POLR3B: variants seen among roughly 807,000 people sequenced by gnomAD.
POLR3B encodes the protein DNA-directed RNA polymerase III subunit RPC2.
Under a neutral mutation model 147.4 loss-of-function variants are expected in POLR3B, and 96 were observed. That is an observed-to-expected ratio of 0.65 (90% confidence interval 0.55 to 0.77). POLR3B has a LOEUF of 0.77. POLR3B is among the 30% of genes least tolerant of loss of function. The pLI, the probability that POLR3B is intolerant of heterozygous loss-of-function variation, is 0.00. For missense variants in POLR3B, 1,036 were observed against 1,413.5 expected (o/e 0.73, Z 4.28); for synonymous variants, 461 against 485.9 (o/e 0.95, Z 0.67).
chr12:106,376,328 G>A, intron 6 of POLR3B, 31 bp from the exon 7 acceptor site: 1 of 1,446,370 alleles, frequency 6.9e-7, no homozygotes, highest in Non-Finnish European at 9.7e-7. Flanking sequence ...CAGCCTACAT[G>A]TGATATTTTC....
At chr12:106,388,600 G>A (rs954044132) in intron 9 of POLR3B, among the ~76,000 whole-genome samples, 3 of 152,204 alleles carry the variant, frequency 2.0e-5, no homozygotes, top group African/African-American at 7.2e-5. Context: ...ACAGGCGTGA[G>A]CCAATGTGCC....
intron 23 of POLR3B, among the ~76,000 whole-genome samples, chr12:106,465,315 A>G (rs1450487368): frequency 1.3e-5 from 2 of 152,194 alleles, no homozygotes; most frequent in Non-Finnish European, 2.9e-5. Context: ...CTTCACAAGA[A>G]TGTACACCAT....
rs190139385 is a variant in POLR3B, at chr12:106,485,639, G to T, written c.2714-10416G>T. On this transcript the variant is annotated intron_variant, in intron 23 of 27. Transcript: ENST00000228347. ...ATGGATGTTGCAAGAGGAAAAGACA[G>T]GAGTTGAGGATGAAGTTTGTGGCCT... Among the ~76,000 whole-genome samples the T allele has an allele frequency of 1.1e-3, 161 of 152,306 alleles. 4 individuals carry two copies. The East Asian group carries it at 0.017, about 16-fold the overall frequency.
At chr12:106,414,055 T>C (rs1359829348) in intron 12 of POLR3B, among the ~76,000 whole-genome samples, 2 of 151,968 alleles carry the variant, frequency 1.3e-5, no homozygotes, top group Middle Eastern at 3.4e-3. Flanking sequence ...ACATAGCTTT[T>C]TTTAATTCCA....
intron 19 of POLR3B, chr12:106,446,415 C>CAAAA: frequency 2.4e-5 from 3 of 127,466 alleles, no homozygotes; most frequent in African/African-American, 6.5e-5. Context: ...CTCCTCTCCC[C>CAAAA]ACAAAAAAAA....
In POLR3B at chr12:106,504,194, C is replaced by A. The variant is rs779482867; in HGVS notation, c.3212C>A (p.Ser1071Ter). The change falls in exon 27 of 28, where the codon TCA becomes TAA. Residue 1071 changes from serine to a stop codon, truncating the protein, a stop_gained. Transcript: ENST00000228347. LOFTEE classifies it high-confidence loss of function. This position sits in a 1 kb window ranked among gnomAD's most constrained non-coding sequence, Gnocchi z 4.6. ...CTTTTGCTAGAGAGACTAATGATTT[C>A]AAGTGATGCCTTTGAGGTTGATGTC... ...SMLLLERLMI[S>*]SDAFEVDVCG... 1 of 1,614,122 alleles carries A rather than the reference C, an allele frequency of 6.2e-7. No homozygotes were observed. The highest frequency in any genetic ancestry group is 1.1e-5 in the South Asian group (1 of 91,076).
chr12:106,494,375 G>A (rs938992547), intron 23 of POLR3B, among the ~76,000 whole-genome samples: 10 of 152,084 alleles, frequency 6.6e-5, no homozygotes, highest in African/African-American at 1.2e-4. Flanking sequence ...CTCCTCCTGC[G>A]AACTGCTGCT....
intron 9 of POLR3B, among the ~76,000 whole-genome samples, chr12:106,382,765 T>G (rs563456957): frequency 6.6e-6 from 1 of 152,306 alleles, no homozygotes; most frequent in East Asian, 1.9e-4. Flanking sequence ...AGAGTAGATA[T>G]AGCATAATTC....
intron 10 of POLR3B, among the ~76,000 whole-genome samples, chr12:106,394,065 G>A (rs1259649541): frequency 6.6e-6 from 1 of 152,026 alleles, no homozygotes; most frequent in African/African-American, 2.4e-5. Flanking sequence ...TCTTCACCCA[G>A]GATGCTTGTA....
chr12:106,373,010 G>A (rs1414027517), intron 6 of POLR3B, among the ~76,000 whole-genome samples: 1 of 152,178 alleles, frequency 6.6e-6, no homozygotes, highest in East Asian at 1.9e-4. Flanking sequence ...GAACTTTGTA[G>A]AGACCTGTTT....
chr12:106,421,236 A>G (rs1172751449), intron 12 of POLR3B, among the ~76,000 whole-genome samples: 2 of 152,068 alleles, frequency 1.3e-5, no homozygotes, highest in Non-Finnish European at 2.9e-5. Flanking sequence ...CATTAAAAAA[A>G]AAAACACAAC....
At chr12:106,403,580 A>G (rs1204815332) in intron 10 of POLR3B, among the ~76,000 whole-genome samples, 1 of 152,106 alleles carries the variant, frequency 6.6e-6, no homozygotes, top group Non-Finnish European at 1.5e-5. Flanking sequence ...ACAACAATAG[A>G]CTGGATTAAG....
At chr12:106,471,435 A>C (rs10778480) in intron 23 of POLR3B, among the ~76,000 whole-genome samples, 59,668 of 151,900 alleles carry the variant, frequency 0.39, 13,895 homozygotes, top group African/African-American at 0.65. Flanking sequence ...TGAGGTGACA[A>C]CCTGCCCTGC....
Position 106,454,708 on chromosome 12 carries a change from A to C in POLR3B, c.2290A>C (p.Arg764=). The part of the protein sequence containing the change: ...ALVLNKASLD[R]GFGRCLVYKN... ...TGTTTTAAACAAGGCCTCTTTAGAC[A>C]GAGGTAAGTGAATTTTCAAAACTAA... is the stretch of plus-strand genomic sequence containing the variant. The change falls in exon 20 of 28, where the codon AGA becomes CGA. Residue 764 remains arginine (R), a synonymous_variant. Transcript: ENST00000228347. The C allele has an allele frequency of 6.3e-7, 1 of 1,581,702 alleles. No individual in the cohort carries two copies. Among genetic ancestry groups the C allele is most frequent in the Non-Finnish European group, 8.7e-7 (1 of 1,150,694 alleles).
chr12:106,469,620 C>G (rs1295438526), intron 23 of POLR3B, among the ~76,000 whole-genome samples: 1 of 152,148 alleles, frequency 6.6e-6, no homozygotes, highest in Non-Finnish European at 1.5e-5. Context: ...GTGCTTCCTT[C>G]AGGAGCTCTT....
At chr12:106,428,083 G>A (rs982652342) in intron 13 of POLR3B, among the ~76,000 whole-genome samples, 10 of 152,318 alleles carry the variant, frequency 6.6e-5, no homozygotes, top group African/African-American at 2.4e-4. Flanking sequence ...TAGTGTGTCT[G>A]TGTGAGTGGC....
intron 23 of POLR3B, among the ~76,000 whole-genome samples, chr12:106,494,955 G>A (rs1034895699): frequency 1.3e-5 from 2 of 152,004 alleles, no homozygotes; most frequent in East Asian, 1.9e-4. Flanking sequence ...ACAACAAATC[G>A]CAAACTATTG....
At chr12:106,384,067 A>G (rs909133995) in intron 9 of POLR3B, among the ~76,000 whole-genome samples, 11 of 152,178 alleles carry the variant, frequency 7.2e-5, no homozygotes, top group African/African-American at 2.4e-4. Context: ...AAGAATTACC[A>G]AAGTGTGACA....
intron 6 of POLR3B, 137 bp from the exon 7 acceptor site, chr12:106,376,222 C>T (rs1050742520): frequency 7.2e-6 from 5 of 691,358 alleles, no homozygotes; most frequent in Non-Finnish European, 1.0e-5. Flanking sequence ...CATGTAATTG[C>T]TATTTCTCTG....
Sources: allele counts gnomAD v4.1 joint callset (sites outside exome capture counted in the v4.1 genomes callset), GRCh38; gene constraint gnomAD v4.1.1; non-coding constraint Gnocchi (gnomAD v3.1); transcripts MANE v1.5; gene names NCBI Gene and HGNC (gene_info 2026-07-23, HGNC 2026-07-21).